Variants in PITRM1 observed in about 807,000 individuals in gnomAD.
PITRM1 encodes the protein presequence protease, mitochondrial.
Under a neutral mutation model 129.9 loss-of-function variants are expected in PITRM1, and 100 were observed. The ratio of observed to expected loss-of-function variants is 0.77; its 90% CI spans 0.65 to 0.91. PITRM1 has a LOEUF of 0.91. Ranked by LOEUF, PITRM1 falls within the 40% of genes least tolerant of loss-of-function variation. The pLI is 0.00. For synonymous variants in PITRM1, 591 were observed against 508.8 expected (o/e 1.16, Z -2.17); for missense variants, 1,471 against 1,318.3 (o/e 1.12, Z -1.79).
intron 8 of PITRM1, 23 bp from the exon 9 acceptor site, chr10:3,159,959 G>A (rs753188019): frequency 5.9e-6 from 9 of 1,517,978 alleles, no homozygotes; most frequent in African/African-American, 1.4e-5. Flanking sequence ...GTGACGTTGT[G>A]AGTAGGCACA....
intron 15 of PITRM1, among the ~76,000 whole-genome samples, chr10:3,150,774 A>C (rs1841442625): frequency 6.6e-6 from 1 of 152,206 alleles, no homozygotes; most frequent in Non-Finnish European, 1.5e-5. Flanking sequence ...AAACGTGCCA[A>C]GGAACGAAAT....
In PITRM1 at chr10:3,163,807, C is replaced by G; in HGVS notation, c.709G>C (p.Gly237Arg). 1 of 1,612,420 alleles carries G rather than the reference C, an allele frequency of 6.2e-7. No homozygotes were observed. The stretch of plus-strand genomic sequence containing the variant: ...AGCTCCGGGATGCACAGTGGGTCAC[C>G]CCCGGAGACCACTGAGTACGTGTGG... ...PDHTYSVVSG[G>R]DPLCIPELTW... is the part of the protein sequence containing the mutation. The change falls in exon 7 of 27, where the codon GGT becomes CGT. Residue 237 changes from glycine (G) to arginine (R), a missense_variant. Gly to Arg is a moderately radical substitution (Grantham distance 125, BLOSUM62 -2). Transcript: ENST00000224949.
chr10:3,172,358 C>A, intron 1 of PITRM1: 1 of 484,050 alleles, frequency 2.1e-6, no homozygotes. Flanking sequence ...CTTAAGGACT[C>A]GGCCTCCCAA....
In PITRM1 at chr10:3,143,496, G is replaced by A. The variant is rs1234682781; in HGVS notation, c.2538C>T (p.Pro846=). The A allele has an allele frequency of 5.0e-6, 8 of 1,605,668 alleles. No individual in the cohort carries two copies. The highest frequency in any genetic ancestry group is 6.8e-6 in the Non-Finnish European group (8 of 1,172,314). The change falls in exon 23 of 27, where the codon CCC becomes CCT. Residue 846 remains proline (P), a synonymous_variant. Coordinates refer to ENST00000224949, the MANE Select transcript of PITRM1 (RefSeq NM_014889.4). The stretch of plus-strand genomic sequence containing the variant: ...TCTTCATCTGCCAGGGCTTGAAGGT[G>A]GGTTCCTGAGGGACACGGTATGGTC... ...SQVIRKLVME[P]TFKPWQMKTH...
intron 1 of PITRM1, among the ~76,000 whole-genome samples, chr10:3,170,967 AAG>A (rs1297681031): frequency 6.6e-6 from 1 of 151,878 alleles, no homozygotes; most frequent in Non-Finnish European, 1.5e-5. Context: ...TCGGAAAAAA[AAG>A]AAAAAAATGC....
rs775439065 is a variant in PITRM1, at chr10:3,166,279, A to C, written c.368T>G (p.Phe123Cys). Reference sequence around the variant, plus strand: ...GAGGGACCGGTTCAACATTTTGAAGAAAGGGTCTCTGCACGGATATTTCTG... The same window carrying C: ...GAGGGACCGGTTCAACATTTTGAAGCAAGGGTCTCTGCACGGATATTTCTG... ...GSQKYPCRDP[F>C]FKMLNRSLST... Residue 123 changes from phenylalanine (F) to cysteine (C), a missense_variant, in exon 4 of 27, where the codon TTC becomes TGC. Phe to Cys is a radical substitution (Grantham distance 205). Transcript: ENST00000224949. 8 of 1,609,104 alleles carry C rather than the reference A, an allele frequency of 5.0e-6. No homozygotes were observed. In the South Asian group the frequency reaches 8.8e-5, roughly 18 times the overall value.
At position 3,155,489 on chromosome 10, in the gene PITRM1, G is replaced by A. The variant is rs565399293; in HGVS notation, c.1621+102C>T. The stretch of plus-strand genomic sequence containing the variant: ...CTCTGTTGGCGCCCAGCGGACACCT[G>A]TTGGTTGAAATAATACCTGCCTCCA... On this transcript the variant is annotated intron_variant, in intron 14 of 26. Transcript: ENST00000224949. 72 of 1,445,462 alleles carry A rather than the reference G, an allele frequency of 5.0e-5. No individual in the cohort carries two copies. In the African/African-American group the frequency reaches 7.3e-4, roughly 15 times the overall value. The allele number at this position is 1,445,462 out of a possible 1,614,324, so 89.5% of individuals were successfully genotyped here. A position where few individuals can be genotyped will look rare whatever the true frequency, so the allele number is the denominator to read the frequency against.
chr10:3,140,636 A>G, intron 24 of PITRM1, 51 bp downstream of exon 24: 1 of 1,521,150 alleles, frequency 6.6e-7, no homozygotes, highest in South Asian at 1.2e-5. Flanking sequence ...TCATGAGTAG[A>G]AGACTAAAAC....
intron 8 of PITRM1, 100 bp downstream of exon 8, chr10:3,160,103 AC>A: frequency 7.3e-7 from 1 of 1,361,764 alleles, no homozygotes. Context: ...CATACTCTGT[AC>A]CAAACATGAC....
In PITRM1 at chr10:3,160,327, G is replaced by T. The variant is rs565029700; in HGVS notation, c.795C>A (p.Phe265Leu). ...CTAATGGAAAATTACCGTACGTGAA[G>T]AACCTAAAATTTTAAGGGAATATAA... ...ATHYHPSNAR[F>L]FTYGNFPLEQ... Residue 265 changes from phenylalanine to leucine, a missense_variant, in exon 8 of 27, where the codon TTC becomes TTA. Transcript: ENST00000224949. The T allele has an allele frequency of 6.2e-7, 1 of 1,609,096 alleles. No individual in the cohort carries two copies. Among genetic ancestry groups the T allele is most frequent in the South Asian group, 1.1e-5 (1 of 90,944 alleles).
At position 3,142,372 on chromosome 10, in the gene PITRM1, C is replaced by T. The variant is rs77825471; in HGVS notation, c.2645+1017G>A. Among the ~76,000 whole-genome samples the T allele has an allele frequency of 7.7e-4, 117 of 152,372 alleles. 3 individuals carry two copies. In the East Asian group the frequency reaches 0.021, roughly 28 times the overall value. On this transcript the variant is annotated intron_variant, in intron 23 of 26. Transcript: ENST00000224949. Reference sequence around the variant, plus strand: ...CGGCTCCTTCTCCAATCAGGACAGGCTGCCCAGGCCTAAGCCTGCCTTCCC... The same window carrying T: ...CGGCTCCTTCTCCAATCAGGACAGGTTGCCCAGGCCTAAGCCTGCCTTCCC...
intron 14 of PITRM1, among the ~76,000 whole-genome samples, chr10:3,154,330 G>C (rs1324563151): frequency 6.6e-6 from 1 of 152,184 alleles, no homozygotes; most frequent in African/African-American, 2.4e-5. Flanking sequence ...GTTAGGAGCG[G>C]GGCTTTCCTG....
chr10:3,144,201 C>T (rs775104278), intron 22 of PITRM1, 91 bp downstream of exon 22: 64 of 734,898 alleles, frequency 8.7e-5, no homozygotes, highest in Non-Finnish European at 1.3e-4. Flanking sequence ...CACAGACAGG[C>T]GGACGGAGGA....
rs2132454024 is a variant in PITRM1 at position 3,157,415 on chromosome 10, A to G, written c.1347+20T>C. The G allele has an allele frequency of 6.7e-7, 1 of 1,484,924 alleles. No homozygotes were observed. The highest frequency in any genetic ancestry group is 2.0e-5 in the Admixed American group (1 of 49,682). The allele number at this position is 1,484,924 out of a possible 1,614,324, so 92.0% of individuals were successfully genotyped here. Reference sequence around the variant, plus strand: ...ATGTCTATTATAAAACAAAAACAAAATTGTTGAGAGATCACTTACTGATGT... The same window carrying G: ...ATGTCTATTATAAAACAAAAACAAAGTTGTTGAGAGATCACTTACTGATGT... On this transcript the variant is annotated intron_variant, in intron 12 of 26. Transcript: ENST00000224949.
chr10:3,160,376 T>C (rs1315921494), intron 7 of PITRM1, 46 bp from the exon 8 acceptor site: 27 of 1,499,252 alleles, frequency 1.8e-5, no homozygotes, highest in African/African-American at 2.8e-5. Flanking sequence ...GTTTAAAAGA[T>C]GTGAGATCAA....
At chr10:3,160,093 C>A in intron 8 of PITRM1, 111 bp downstream of exon 8, 1 of 1,321,098 alleles carries the variant, frequency 7.6e-7, no homozygotes, top group Non-Finnish European at 1.1e-6. Context: ...AAAGCTCTCC[C>A]ATACTCTGTA....
rs763383174 is a variant in PITRM1, at chr10:3,145,734, T to C, written c.2337-18A>G. 1 of 1,515,282 alleles carries C rather than the reference T, an allele frequency of 6.6e-7. No individual in the cohort carries two copies. The highest frequency in any genetic ancestry group is 1.2e-5 in the South Asian group (1 of 83,250). The allele number at this position is 1,515,282 out of a possible 1,614,324, so 93.9% of individuals were successfully genotyped here. A position where few individuals can be genotyped will look rare whatever the true frequency, so the allele number is the denominator to read the frequency against. ...CTGAACACCTGTTTGAAAAATTATG[T>C]ATACATAAAACCACTGTTAGAAAAA... On this transcript the variant is annotated intron_variant, in intron 20 of 26. Coordinates refer to ENST00000224949, the MANE Select transcript of PITRM1 (RefSeq NM_014889.4).
intron 1 of PITRM1, among the ~76,000 whole-genome samples, chr10:3,170,917 C>G (rs1843276567): frequency 6.6e-6 from 1 of 151,732 alleles, no homozygotes; most frequent in Non-Finnish European, 1.5e-5. Flanking sequence ...GGGCCGAGAT[C>G]ACGCCACTGC....
chr10:3,138,387 T>C (rs182759349), intron 25 of PITRM1, 50 bp from the exon 26 acceptor site: 312 of 1,268,416 alleles, frequency 2.5e-4, no homozygotes, highest in Non-Finnish European at 3.4e-4. Flanking sequence ...GGAGCTCGCG[T>C]TGTGGGCTGT....
Sources: gnomAD v4.1 joint callset for allele counts (sites outside exome capture counted in the v4.1 genomes callset) on GRCh38, gnomAD v4.1.1 for gene constraint, MANE v1.5 for transcripts, NCBI Gene and HGNC (gene_info 2026-07-23, HGNC 2026-07-21) for gene names.